SLC44A3: variants seen among roughly 807,000 people sequenced by gnomAD.
SLC44A3 encodes solute carrier family 44 member 3, also known as choline transporter-like protein 3.
Under a neutral mutation model 75.4 loss-of-function variants are expected in SLC44A3, and 74 were observed. The observed-to-expected ratio is 0.98, with a 90% CI of 0.81 to 1.19. The LOEUF is 1.19. SLC44A3 is among the 50% of genes most tolerant of loss of function. The pLI is 0.00. For missense variants in SLC44A3, 700 were observed against 778.6 expected (o/e 0.90, Z 1.20); for synonymous variants, 310 against 296.9 (o/e 1.04, Z -0.45).
chr1:94,893,243 G>A (rs1230825358), intron 14 of SLC44A3, among the ~76,000 whole-genome samples: 1 of 152,066 alleles, frequency 6.6e-6, no homozygotes, highest in Non-Finnish European at 1.5e-5. Flanking sequence ...TAAAAATTAG[G>A]TGTTAAAGCC....
rs142721325 is a variant in SLC44A3, at chr1:94,826,326, C to T, written c.279-1181C>T. ...GATGGTGGTGATGATAGCCCAACAA[C>T]GTGAATGTACTAATGTCACTGTACA... On this transcript the variant is annotated intron_variant, in intron 3 of 14. Coordinates refer to ENST00000271227, the MANE Select transcript of SLC44A3 (RefSeq NM_001114106.3). Among the ~76,000 whole-genome samples the T allele has an allele frequency of 2.9e-3, 448 of 152,190 alleles. 3 individuals carry two copies. The highest frequency in any genetic ancestry group is 9.8e-3 in the African/African-American group (405 of 41,528).
chr1:94,824,307 A>G (rs974437875), intron 2 of SLC44A3, among the ~76,000 whole-genome samples, 186 bp from the exon 3 acceptor site: 2 of 152,252 alleles, frequency 1.3e-5, no homozygotes, highest in African/African-American at 4.8e-5. Context: ...TAAATGTATA[A>G]GTAGCAGAGG....
At chr1:94,844,854 G>T (rs1664191855) in intron 8 of SLC44A3, among the ~76,000 whole-genome samples, 1 of 152,220 alleles carries the variant, frequency 6.6e-6, no homozygotes, top group South Asian at 2.1e-4. Flanking sequence ...TATATGCAGG[G>T]AGGGAAAGCT....
chr1:94,859,905 G>A (rs1443808521), intron 10 of SLC44A3, among the ~76,000 whole-genome samples: 2 of 152,160 alleles, frequency 1.3e-5, no homozygotes, highest in Admixed American at 6.5e-5. Context: ...AAGACCTACA[G>A]ATAGTGCCAT....
chr1:94,881,515 T>G (rs941464792), intron 12 of SLC44A3, among the ~76,000 whole-genome samples: 1 of 144,542 alleles, frequency 6.9e-6, no homozygotes, highest in Non-Finnish European at 1.5e-5. Flanking sequence ...CCATCCTGGC[T>G]AACATGGTGA....
intron 1 of SLC44A3, chr1:94,820,689 C>A (rs1188347539): frequency 4.4e-6 from 6 of 1,378,528 alleles, no homozygotes; most frequent in Non-Finnish European, 5.6e-6. Context: ...GGCCGCGGGG[C>A]GCAAACTTGG....
chr1:94,839,991 C>G lies in SLC44A3; in HGVS notation c.714C>G (p.Thr238=). 6.2e-7 allele frequency: 1 copy of G among 1,614,046 alleles called. No homozygotes were observed. The highest frequency in any genetic ancestry group is 8.5e-7 in the Non-Finnish European group (1 of 1,179,996). Residue 238 remains threonine, a synonymous_variant, in exon 7 of 15, where the codon ACC becomes ACG. Transcript: ENST00000271227. ...TGTTTACCTTCAGATTCATCACCAC[C>G]CTTCTGGTTCACATTTTCATTTCAT... The part of the protein sequence containing the change: ...AMMFTFRFIT[T]LLVHIFISLV...
chr1:94,848,079 C>A (rs989053771), intron 9 of SLC44A3, among the ~76,000 whole-genome samples: 96 of 152,086 alleles, frequency 6.3e-4, no homozygotes, highest in African/African-American at 2.2e-3. Flanking sequence ...ATACAGAAAA[C>A]TTAGCCGGGC....
chr1:94,865,839 A>G (rs954225300), intron 11 of SLC44A3, among the ~76,000 whole-genome samples: 4 of 152,164 alleles, frequency 2.6e-5, no homozygotes, highest in Non-Finnish European at 4.4e-5. Context: ...AATTGTTTTC[A>G]TTTACTTTTT....
chr1:94,826,984 G>A (rs776802339), intron 3 of SLC44A3, among the ~76,000 whole-genome samples: 10 of 152,190 alleles, frequency 6.6e-5, no homozygotes, highest in Admixed American at 2.0e-4. Flanking sequence ...TGCCCCTGGG[G>A]AGCTGCAGGA....
At chr1:94,878,701 A>G (rs764227830) in intron 12 of SLC44A3, among the ~76,000 whole-genome samples, 4 of 152,242 alleles carry the variant, frequency 2.6e-5, no homozygotes, top group Non-Finnish European at 4.4e-5. Flanking sequence ...ATGGTGTGGT[A>G]CTGGCATAAA....
chr1:94,820,808 C>A, intron 1 of SLC44A3, 141 bp from the exon 2 acceptor site: 1 of 1,305,038 alleles, frequency 7.7e-7, no homozygotes, highest in Non-Finnish European at 1.0e-6. Context: ...TTCAGGTGGC[C>A]ACGTAAAAAA....
intron 12 of SLC44A3, among the ~76,000 whole-genome samples, chr1:94,880,673 A>G (rs1668864018): frequency 2.0e-5 from 3 of 152,236 alleles, no homozygotes; most frequent in Admixed American, 1.3e-4. Flanking sequence ...AAATCATGCA[A>G]TATTTGAAGT....
rs756014542 is a variant in SLC44A3 at position 94,840,051 on chromosome 1, T to A, written c.760+14T>A. 6.3e-6 allele frequency: 10 copies of A among 1,593,068 alleles called. No homozygotes were observed. The highest frequency in any genetic ancestry group is 8.6e-6 in the Non-Finnish European group (10 of 1,161,042). On this transcript the variant is annotated intron_variant, in intron 7 of 14. Transcript: ENST00000271227. ...TGGGATTGTTGTGTAAGTATTTCTC[T>A]ACTTGACTGATTTCTTTTCGATTAA...
intron 5 of SLC44A3, 117 bp from the exon 6 acceptor site, chr1:94,837,594 C>A: frequency 1.0e-6 from 1 of 955,734 alleles, no homozygotes; most frequent in Non-Finnish European, 1.5e-6. Context: ...GCATGCTAGA[C>A]GCCTCTCTAT....
At chr1:94,878,248 C>T (rs1391747738) in intron 12 of SLC44A3, among the ~76,000 whole-genome samples, 2 of 139,088 alleles carry the variant, frequency 1.4e-5, no homozygotes, top group East Asian at 4.2e-4. Flanking sequence ...AAAACCAAAA[C>T]AAACAAACAA....
intron 3 of SLC44A3, among the ~76,000 whole-genome samples, chr1:94,826,515 G>A (rs1297232157): frequency 6.6e-6 from 1 of 152,034 alleles, no homozygotes; most frequent in African/African-American, 2.4e-5. Context: ...GCCAGGTGTG[G>A]TGGCAGGCAC....
chr1:94,891,223 A>T lies in SLC44A3; in HGVS notation c.1576A>T (p.Thr526Ser). Residue 526 changes from threonine to serine, a missense_variant, in exon 13 of 15, where the codon ACA (threonine) becomes TCA (serine). Transcript: ENST00000271227. Reference protein sequence around the residue: ...KILSKNSSHFTSINCFGDFII... With the variant: ...KILSKNSSHFSSINCFGDFII... ...CTTGTCCAAGAACTCAAGTCACTTT[A>T]CATCTATTAACTGCTTTGGAGACTT... 1 of 1,613,530 alleles carries T rather than the reference A, an allele frequency of 6.2e-7. No homozygotes were observed.
intron 5 of SLC44A3, among the ~76,000 whole-genome samples, chr1:94,831,940 G>A (rs749015431): frequency 2.6e-5 from 4 of 152,176 alleles, no homozygotes; most frequent in Non-Finnish European, 4.4e-5. Context: ...TTGGAAGGGC[G>A]AGGCGGGCAG....
Sources: allele counts gnomAD v4.1 joint callset (sites outside exome capture counted in the v4.1 genomes callset), GRCh38; gene constraint gnomAD v4.1.1; transcripts MANE v1.5; gene names NCBI Gene and HGNC (gene_info 2026-07-23, HGNC 2026-07-21).